Variants in AKIRIN2 observed in about 807,000 individuals in gnomAD.
AKIRIN2 encodes the protein akirin-2.
Under a neutral mutation model 29.3 loss-of-function variants are expected in AKIRIN2, and 6 were observed. The ratio of observed to expected loss-of-function variants is 0.20; its 90% CI spans 0.11 to 0.40. AKIRIN2 has a LOEUF of 0.40. Ranked by LOEUF, AKIRIN2 falls within the 10% of genes least tolerant of loss-of-function variation. AKIRIN2 has a pLI of 1.00. For missense variants in AKIRIN2, 210 were observed against 276.1 expected (o/e 0.76, Z 1.70); for synonymous variants, 128 against 117.5 (o/e 1.09, Z -0.58).
intron 2 of AKIRIN2, among the ~76,000 whole-genome samples, chr6:87,680,799 G>A (rs1437054117): frequency 7.8e-6 from 1 of 128,106 alleles, no homozygotes; most frequent in African/African-American, 3.1e-5. Context: ...AAAAAAGGAA[G>A]GTTATTTGCA....
rs187374124 is a variant in AKIRIN2 at position 87,679,050 on chromosome 6, G to A, written c.380-1083C>T. On this transcript the variant is annotated intron_variant, in intron 2 of 4. Coordinates refer to ENST00000257787, the MANE Select transcript of AKIRIN2 (RefSeq NM_018064.4). Reference sequence around the variant, plus strand: ...CTTAGGAGGCTGAGGCAGGAGAATCGCTTGAACACAGGAGGCGGAGGTTGC... The same window carrying A: ...CTTAGGAGGCTGAGGCAGGAGAATCACTTGAACACAGGAGGCGGAGGTTGC... Among the ~76,000 whole-genome samples the A allele has an allele frequency of 2.8e-3, 419 of 150,258 alleles. 2 individuals carry two copies. The highest frequency in any genetic ancestry group is 9.5e-3 in the African/African-American group (387 of 40,792).
Position 87,689,904 on chromosome 6 carries a change from C to G in AKIRIN2, c.236-8141G>C, listed in dbSNP as rs78978934. ...AACTATGCGTATTTAAAGTTTCTAGCCCCTGCTTAAAATAACAACTCTCTT... is the reference window on the plus strand; with the variant it reads ...AACTATGCGTATTTAAAGTTTCTAGGCCCTGCTTAAAATAACAACTCTCTT... On this transcript the variant is annotated intron_variant, in intron 1 of 4. Transcript: ENST00000257787. Among the ~76,000 whole-genome samples, 555 of 152,284 alleles carry G rather than the reference C, an allele frequency of 3.6e-3. 5 individuals are homozygous for G. The highest frequency in any genetic ancestry group is 0.013 in the African/African-American group (524 of 41,556).
chr6:87,697,890 TACATTA>T (rs1257462176), intron 1 of AKIRIN2, among the ~76,000 whole-genome samples: 6 of 152,216 alleles, frequency 3.9e-5, no homozygotes, highest in Non-Finnish European at 7.3e-5. Context: ...AACTCACAAA[TACATTA>T]ACATTCACAG....
At position 87,681,777 on chromosome 6, in the gene AKIRIN2, G is replaced by A. The variant is rs1176537844; in HGVS notation, c.236-14C>T. ...ACAGAATTTGTTCTAAAATAAAAAA[G>A]TTAAAATTTGGCAAGATAAAAACTT... On this transcript the variant is annotated splice_polypyrimidine_tract_variant and intron_variant, in intron 1 of 4. Transcript: ENST00000257787. The A allele has an allele frequency of 1.3e-6, 2 of 1,551,062 alleles. No individual in the cohort carries two copies. Among genetic ancestry groups the A allele is most frequent in the South Asian group, 2.4e-5 (2 of 82,910 alleles).
chr6:87,701,438 GC>G lies in AKIRIN2; in HGVS notation c.235+11del. On this transcript the variant is annotated intron_variant, in intron 1 of 4. Coordinates refer to ENST00000257787, the MANE Select transcript of AKIRIN2 (RefSeq NM_018064.4). ...TCTCCACTACCCCGGCGGCCGCGGG[GC>G]CGGGTCCCACCTGTGGTGAGGCGGG... is the stretch of plus-strand genomic sequence containing the variant. The G allele has an allele frequency of 6.5e-7, 1 of 1,531,184 alleles. No individual in the cohort carries two copies. Among genetic ancestry groups the G allele is most frequent in the Non-Finnish European group, 8.8e-7 (1 of 1,141,070 alleles). The allele number at this position is 1,531,184 out of a possible 1,614,324, so 94.8% of individuals were successfully genotyped here. A position where few individuals can be genotyped will look rare whatever the true frequency, so the allele number is the denominator to read the frequency against.
chr6:87,688,674 C>A (rs1771230282), intron 1 of AKIRIN2, among the ~76,000 whole-genome samples: 1 of 151,892 alleles, frequency 6.6e-6, no homozygotes, highest in Non-Finnish European at 1.5e-5. Flanking sequence ...CACTTGAACC[C>A]GGGGGGAGGT....
At chr6:87,688,476 T>C (rs917655233) in intron 1 of AKIRIN2, among the ~76,000 whole-genome samples, 1 of 151,730 alleles carries the variant, frequency 6.6e-6, no homozygotes, top group Non-Finnish European at 1.5e-5. Flanking sequence ...CCAGGCACAG[T>C]GGCTCACGCC....
At chr6:87,683,868 T>G (rs758125424) in intron 1 of AKIRIN2, among the ~76,000 whole-genome samples, 1 of 152,114 alleles carries the variant, frequency 6.6e-6, no homozygotes, top group Non-Finnish European at 1.5e-5. Context: ...GTCAGGCCGG[T>G]CTCGAACTCT....
At chr6:87,676,601 A>ACGCACGCGCG (rs1220775678) in intron 3 of AKIRIN2, among the ~76,000 whole-genome samples, 10 of 26,638 alleles carry the variant, frequency 3.8e-4, no homozygotes, top group African/African-American at 7.5e-4. Context: ...CTAAAAACAC[A>ACGCACGCGCG]CACACACACA....
chr6:87,687,029 A>G (rs997898873), intron 1 of AKIRIN2, among the ~76,000 whole-genome samples: 26 of 141,762 alleles, frequency 1.8e-4, no homozygotes, highest in African/African-American at 6.7e-4. Flanking sequence ...CAGGCGACAG[A>G]GCAAGACTTA....
intron 1 of AKIRIN2, among the ~76,000 whole-genome samples, chr6:87,696,937 T>C (rs1415755688): frequency 4.7e-5 from 7 of 148,816 alleles, no homozygotes; most frequent in Admixed American, 4.0e-4. Context: ...AACTAGGAGG[T>C]GGAGGTTGCA....
chr6:87,694,362 A>G (rs1418339656), intron 1 of AKIRIN2, among the ~76,000 whole-genome samples: 2 of 152,230 alleles, frequency 1.3e-5, no homozygotes, highest in East Asian at 3.8e-4. Context: ...AAAAATATTA[A>G]TAAGAAATGA....
rs761096255 is a variant in AKIRIN2, at chr6:87,675,563, G to C, written c.*34C>G. ...GGACCTCTTGCAACAACTCAACAAG[G>C]AACAAGGCAGCCCACAAATGCAGGA... On this transcript the variant is annotated 3_prime_UTR_variant, in exon 5 of 5. Coordinates refer to ENST00000257787, the MANE Select transcript of AKIRIN2 (RefSeq NM_018064.4). The C allele has an allele frequency of 3.7e-6, 6 of 1,613,442 alleles. No individual in the cohort carries two copies. The East Asian group carries it at 1.1e-4, about 30-fold the overall frequency.
chr6:87,701,550 C>A lies in AKIRIN2; in HGVS notation c.135G>T (p.Ala45=). The A allele has an allele frequency of 8.5e-6, 12 of 1,410,518 alleles. No homozygotes were observed. The highest frequency in any genetic ancestry group is 1.0e-5 in the Non-Finnish European group (11 of 1,081,796). 87.4% of individuals were successfully genotyped at this position (1,410,518 alleles called of 1,614,324 possible). A position where few individuals can be genotyped will look rare whatever the true frequency, so the allele number is the denominator to read the frequency against. The stretch of plus-strand genomic sequence containing the variant: ...CAGCGGAGAAGGAGGCGGCGGTGGC[C>A]GCGGCCGCCGACAACGGGGAGGCAG... ...SAAASPLSAA[A]ATAASFSAAA... The change falls in exon 1 of 5, where the codon GCG becomes GCT. Residue 45 remains alanine, a synonymous_variant. Transcript: ENST00000257787.
At chr6:87,698,865 T>G (rs554657594) in intron 1 of AKIRIN2, among the ~76,000 whole-genome samples, 1 of 152,306 alleles carries the variant, frequency 6.6e-6, no homozygotes, top group African/African-American at 2.4e-5. Context: ...TCCAAGTTCC[T>G]GAAACTAATA....
intron 1 of AKIRIN2, among the ~76,000 whole-genome samples, chr6:87,700,081 T>G (rs995453109): frequency 4.6e-5 from 7 of 152,120 alleles, no homozygotes; most frequent in African/African-American, 1.7e-4. Flanking sequence ...AACAAATGCC[T>G]TTTCAATCTA....
In AKIRIN2 at chr6:87,680,600, T is replaced by C. The variant is rs571174435; in HGVS notation, c.379+1020A>G. Among the ~76,000 whole-genome samples the C allele has an allele frequency of 6.6e-5, 10 of 152,086 alleles. 1 individual carries two copies. In the South Asian group the frequency reaches 2.1e-3, roughly 32 times the overall value. On this transcript the variant is annotated intron_variant, in intron 2 of 4. Coordinates refer to ENST00000257787, the MANE Select transcript of AKIRIN2 (RefSeq NM_018064.4). ...ATTTTTTTATTCTGCCAGGTTTTCC[T>C]TCCCTTGCTAGGGGGAGGAGAGAAA...
intron 1 of AKIRIN2, among the ~76,000 whole-genome samples, chr6:87,692,105 T>C (rs1453269519): frequency 1.3e-5 from 2 of 152,208 alleles, no homozygotes; most frequent in African/African-American, 4.8e-5. Context: ...TAATCCTCGA[T>C]GATACTAGAA....
intron 1 of AKIRIN2, among the ~76,000 whole-genome samples, chr6:87,692,726 C>T (rs1037937738): frequency 1.1e-4 from 17 of 152,200 alleles, no homozygotes; most frequent in Non-Finnish European, 2.2e-4. Flanking sequence ...GCAGGAGAAT[C>T]GCTTGAACCC....
Sources: gnomAD v4.1 joint callset for allele counts (sites outside exome capture counted in the v4.1 genomes callset) on GRCh38, gnomAD v4.1.1 for gene constraint, MANE v1.5 for transcripts, NCBI Gene and HGNC (gene_info 2026-07-23, HGNC 2026-07-21) for gene names.